ARID5B: variants seen among roughly 807,000 people sequenced by gnomAD.
The protein encoded by ARID5B is AT-rich interactive domain-containing protein 5B.
ARID5B carries 13 observed loss-of-function variants against 97.2 expected under a neutral mutation model. The observed-to-expected ratio is 0.13, with a 90% CI of 0.09 to 0.21. ARID5B has a LOEUF of 0.21. Ranked by LOEUF, ARID5B falls within the 10% of genes least tolerant of loss-of-function variation. The probability of loss-of-function intolerance (pLI) is 1.00; values close to 1 mark genes in which losing one functional copy is unlikely to be tolerated. For synonymous variants in ARID5B, 556 were observed against 570.3 expected (o/e 0.97, Z 0.36); for missense variants, 1,210 against 1,465.3 (o/e 0.83, Z 2.84).
In ARID5B at chr10:61,934,245, T is replaced by C. The variant is rs181198956; in HGVS notation, c.277-5938T>C. ...GATTAGGCTTTGGTTTAAGGGAATATTGTGGCCTGTTTGATCTTTCTACCC... is the reference window on the plus strand; with the variant it reads ...GATTAGGCTTTGGTTTAAGGGAATACTGTGGCCTGTTTGATCTTTCTACCC... On this transcript the variant is annotated intron_variant, in intron 2 of 9. Transcript: ENST00000279873. 2.8e-3 allele frequency among the ~76,000 whole-genome samples: 428 copies of C among 152,356 alleles called. 3 individuals carry two copies. Among genetic ancestry groups the C allele is most frequent in the Non-Finnish European group, 4.5e-3 (308 of 68,024 alleles).
chr10:61,929,689 T>C (rs1283018771), intron 2 of ARID5B, among the ~76,000 whole-genome samples: 1 of 152,156 alleles, frequency 6.6e-6, no homozygotes, highest in Non-Finnish European at 1.5e-5. Flanking sequence ...ATTCTTATGG[T>C]CCAAAGCTAC....
At chr10:62,025,868 T>G (rs1839414634) in intron 4 of ARID5B, among the ~76,000 whole-genome samples, 1 of 149,558 alleles carries the variant, frequency 6.7e-6, no homozygotes, top group Admixed American at 6.7e-5. Context: ...ATTGGAAAGA[T>G]TTCCAAAATA....
At chr10:61,908,727 G>A (rs1253193827) in intron 2 of ARID5B, among the ~76,000 whole-genome samples, 4 of 146,726 alleles carry the variant, frequency 2.7e-5, no homozygotes, top group African/African-American at 5.0e-5. Context: ...GTGAACCCGG[G>A]AGGCAGAGCT....
intron 2 of ARID5B, among the ~76,000 whole-genome samples, chr10:61,936,842 T>TG: frequency 2.9e-5 from 1 of 34,728 alleles, no homozygotes; most frequent in South Asian, 1.4e-3. Flanking sequence ...CCTTTTTTTC[T>TG]TCCCCAAAAA....
chr10:62,085,993 C>T, intron 9 of ARID5B, 93 bp downstream of exon 9: 1 of 1,317,202 alleles, frequency 7.6e-7, no homozygotes, highest in Middle Eastern at 1.9e-4. Flanking sequence ...TGTCCCTGCA[C>T]AGTTGGATGG....
At chr10:62,064,076 AC>A (rs971359440) in intron 7 of ARID5B, among the ~76,000 whole-genome samples, 8 of 152,200 alleles carry the variant, frequency 5.3e-5, no homozygotes, top group African/African-American at 1.9e-4. Flanking sequence ...TTCTCCTGCC[AC>A]CAGTGAGACA....
At chr10:62,061,144 T>C (rs1839916283) in intron 7 of ARID5B, among the ~76,000 whole-genome samples, 1 of 152,184 alleles carries the variant, frequency 6.6e-6, no homozygotes, top group African/African-American at 2.4e-5. Context: ...AGGCCAGTAA[T>C]TTCAGTCCTT....
intron 7 of ARID5B, among the ~76,000 whole-genome samples, chr10:62,059,706 G>A (rs1269464536): frequency 2.0e-5 from 3 of 152,148 alleles, no homozygotes; most frequent in African/African-American, 7.2e-5. Context: ...TGGCCATTAA[G>A]GAATAGAATG....
intron 4 of ARID5B, among the ~76,000 whole-genome samples, chr10:62,010,819 T>C (rs1247643979): frequency 6.6e-6 from 1 of 152,202 alleles, no homozygotes; most frequent in Non-Finnish European, 1.5e-5. Flanking sequence ...ACTAACAACC[T>C]TTCCAACTTG....
chr10:62,087,868 ATT>A (rs199858083), intron 9 of ARID5B, among the ~76,000 whole-genome samples: 1 of 144,802 alleles, frequency 6.9e-6, no homozygotes. Context: ...GATGATGCAG[ATT>A]TTTTTTTTTT....
Position 62,042,650 on chromosome 10 carries a change from G to A in ARID5B, c.734-8238G>A, listed in dbSNP as rs146461610. Among the ~76,000 whole-genome samples, 482 of 152,242 alleles carry A rather than the reference G, an allele frequency of 3.2e-3. 2 individuals are homozygous for A. Among genetic ancestry groups the A allele is most frequent in the African/African-American group, 0.011 (461 of 41,530 alleles). On this transcript the variant is annotated intron_variant, in intron 4 of 9. Transcript: ENST00000279873. Reference sequence around the variant, plus strand: ...ATTCTGGCTGTGCGTCGTGGCTCACGCCTGTGGTCCCAGCACTTTGGGAGG... The same window carrying A: ...ATTCTGGCTGTGCGTCGTGGCTCACACCTGTGGTCCCAGCACTTTGGGAGG...
chr10:61,974,423 C>T (rs1274458069), intron 3 of ARID5B, among the ~76,000 whole-genome samples: 1 of 152,080 alleles, frequency 6.6e-6, no homozygotes, highest in Admixed American at 6.5e-5. Context: ...CAAATCTTTC[C>T]CCCTCTTCCC....
intron 3 of ARID5B, among the ~76,000 whole-genome samples, chr10:61,993,271 A>G (rs1453262107): frequency 6.6e-6 from 1 of 152,188 alleles, no homozygotes; most frequent in Non-Finnish European, 1.5e-5. Context: ...GAGAGATTGA[A>G]AAATACGGCA....
intron 7 of ARID5B, among the ~76,000 whole-genome samples, chr10:62,067,015 C>T (rs146332157): frequency 1.5e-3 from 222 of 151,596 alleles, no homozygotes; most frequent in African/African-American, 3.9e-3. Context: ...GGTGAATTAA[C>T]GGATGAGTGA....
At position 62,033,451 on chromosome 10, in the gene ARID5B, A is replaced by G. The variant is rs1358780882; in HGVS notation, c.734-17437A>G. The stretch of plus-strand genomic sequence containing the variant: ...TTGACAACCCAGTTATTGCCTCTAT[A>G]TTGGAAGACTTGTCAGCATAGACAA... On this transcript the variant is annotated intron_variant, in intron 4 of 9. Coordinates refer to ENST00000279873, the MANE Select transcript of ARID5B (RefSeq NM_032199.3). Among the ~76,000 whole-genome samples the G allele has an allele frequency of 2.0e-5, 3 of 152,224 alleles. No homozygotes were observed. In the East Asian group the frequency reaches 5.8e-4, roughly 29 times the overall value.
chr10:61,948,783 A>G (rs968509891), intron 3 of ARID5B, among the ~76,000 whole-genome samples: 3 of 152,324 alleles, frequency 2.0e-5, no homozygotes, highest in East Asian at 3.9e-4. Flanking sequence ...TCCATTACGC[A>G]TGGCCAGAAC....
intron 5 of ARID5B, among the ~76,000 whole-genome samples, chr10:62,052,341 G>A (rs555376349): frequency 7.6e-4 from 116 of 152,192 alleles, no homozygotes; most frequent in Non-Finnish European, 1.5e-3. Context: ...ATGTCAGCAG[G>A]AACAGTTCAT....
At chr10:62,030,328 A>G (rs1245282496) in intron 4 of ARID5B, among the ~76,000 whole-genome samples, 5 of 152,158 alleles carry the variant, frequency 3.3e-5, no homozygotes, top group South Asian at 2.1e-4. Flanking sequence ...TGGGGGTTTC[A>G]CCATGTTGGC....
intron 6 of ARID5B, 97 bp from the exon 7 acceptor site, chr10:62,059,146 T>C: frequency 9.8e-7 from 1 of 1,025,488 alleles, no homozygotes; most frequent in Middle Eastern, 3.1e-4. Context: ...TATTTCTTTT[T>C]TTCTCTTTCT....
Sources: gnomAD v4.1 joint callset for allele counts (sites outside exome capture counted in the v4.1 genomes callset) on GRCh38, gnomAD v4.1.1 for gene constraint, MANE v1.5 for transcripts, NCBI Gene and HGNC (gene_info 2026-07-23, HGNC 2026-07-21) for gene names.